Variants in SMAP1 observed in about 807,000 individuals in gnomAD.
The protein encoded by SMAP1 is small ArfGAP 1, also known as stromal membrane-associated protein 1.
A neutral mutation model predicts 58.5 loss-of-function variants in SMAP1; 24 were observed. That is an observed-to-expected ratio of 0.41 (90% CI 0.30 to 0.58). The LOEUF is 0.58. Ranked by LOEUF, SMAP1 falls within the 20% of genes least tolerant of loss-of-function variation. The pLI is 0.29. For missense variants in SMAP1, 563 were observed against 566.3 expected, an observed-to-expected ratio of 0.99 and a Z score of 0.06; for synonymous variants, 216 against 196.6, an observed-to-expected ratio of 1.10 and a Z score of -0.82.
rs769236284 is a variant in SMAP1, at chr6:70,858,066, GCATGCC to G, written c.1115_1120del (p.Met372_Pro373del). On this transcript the variant is annotated inframe_deletion, in exon 10 of 11. Transcript: ENST00000370455. ...GGACAGAGTCCAAGCATGATGGTGGGCATGCCCATGCCCAATGGGTTTATGGGAAAT... is the reference window on the plus strand; with the variant it reads ...GGACAGAGTCCAAGCATGATGGTGGGCATGCCCAATGGGTTTATGGGAAAT... 1.8e-5 allele frequency: 29 copies of G among 1,613,934 alleles called. No individual in the cohort carries two copies. The highest frequency in any genetic ancestry group is 1.1e-5 in the South Asian group (1 of 91,092).
chr6:70,761,512 G>A (rs960995697), intron 3 of SMAP1, among the ~76,000 whole-genome samples: 12 of 152,044 alleles, frequency 7.9e-5, no homozygotes, highest in African/African-American at 2.9e-4. Flanking sequence ...AATAGTTCCT[G>A]ATCTCCAGAT....
chr6:70,799,407 T>C (rs989026200), intron 6 of SMAP1, among the ~76,000 whole-genome samples: 5 of 152,134 alleles, frequency 3.3e-5, no homozygotes, highest in Admixed American at 6.6e-5. Context: ...AGCAGTGATA[T>C]GCAGGATAGA....
intron 3 of SMAP1, among the ~76,000 whole-genome samples, chr6:70,757,498 C>G (rs2149892438): frequency 6.6e-6 from 1 of 152,142 alleles, no homozygotes; most frequent in Admixed American, 6.5e-5. Context: ...GCAATGGCAA[C>G]AAAAGCCAAA....
chr6:70,704,332 A>G (rs1338024753), intron 1 of SMAP1, among the ~76,000 whole-genome samples: 1 of 152,168 alleles, frequency 6.6e-6, no homozygotes, highest in Non-Finnish European at 1.5e-5. Flanking sequence ...AAGTTAATCC[A>G]TTACTCCTCC....
rs1279855811 is a variant in SMAP1 at position 70,860,466 on chromosome 6, T to C, written c.*132T>C. On this transcript the variant is annotated 3_prime_UTR_variant, in exon 11 of 11. Coordinates refer to ENST00000370455, the MANE Select transcript of SMAP1 (RefSeq NM_001044305.3). ...TTGTTCATATTAAGAATGATCTGAT[T>C]GACCGTGTTGGTCTGTACTGATTCA... is the stretch of plus-strand genomic sequence containing the variant. The C allele has an allele frequency of 2.3e-5, 25 of 1,107,552 alleles. No homozygotes were observed. Among genetic ancestry groups the C allele is most frequent in the Non-Finnish European group, 2.9e-5 (23 of 795,646 alleles). 68.6% of individuals were successfully genotyped at this position (1,107,552 alleles called of 1,614,324 possible).
intron 4 of SMAP1, among the ~76,000 whole-genome samples, chr6:70,776,307 C>T (rs1021707365): frequency 3.3e-5 from 5 of 152,078 alleles, no homozygotes; most frequent in Admixed American, 6.5e-5. Context: ...CTCAGCCTCC[C>T]GAGTAGCTGG....
chr6:70,821,297 A>G (rs1471895247), intron 6 of SMAP1, among the ~76,000 whole-genome samples: 2 of 151,512 alleles, frequency 1.3e-5, no homozygotes, highest in Non-Finnish European at 2.9e-5. Flanking sequence ...CTCATTTCTT[A>G]TTGCTGAACA....
chr6:70,841,736 C>T (rs1364487149), intron 7 of SMAP1, among the ~76,000 whole-genome samples: 1 of 152,136 alleles, frequency 6.6e-6, no homozygotes. Context: ...TTAGTTCCCC[C>T]ATTCATGTTT....
At chr6:70,749,830 A>G (rs1766202897) in intron 2 of SMAP1, among the ~76,000 whole-genome samples, 1 of 152,232 alleles carries the variant, frequency 6.6e-6, no homozygotes, top group Non-Finnish European at 1.5e-5. Flanking sequence ...AAGAAGCCAC[A>G]TTTATGAGGC....
chr6:70,768,416 C>T (rs1767103033), intron 3 of SMAP1, among the ~76,000 whole-genome samples: 1 of 152,112 alleles, frequency 6.6e-6, no homozygotes. Flanking sequence ...TGATTATTGC[C>T]ACAATTTCAG....
chr6:70,729,671 A>G (rs1050892803), intron 1 of SMAP1, among the ~76,000 whole-genome samples: 1 of 152,010 alleles, frequency 6.6e-6, no homozygotes. Context: ...TTTGGCCTCT[A>G]CCTTCTCCTT....
At position 70,785,778 on chromosome 6, in the gene SMAP1, A is replaced by G. The variant is rs181221116; in HGVS notation, c.415-5911A>G. Among the ~76,000 whole-genome samples the G allele has an allele frequency of 8.7e-3, 1,327 of 152,372 alleles. 23 individuals carry two copies. Among genetic ancestry groups the G allele is most frequent in the African/African-American group, 0.03 (1,263 of 41,584 alleles). ...AAGAAGTTGACTCTCTGAATAGACC[A>G]ATAACAGGCTCTGAAATTGTGGCAA... On this transcript the variant is annotated intron_variant, in intron 4 of 10. Coordinates refer to ENST00000370455, the MANE Select transcript of SMAP1 (RefSeq NM_001044305.3).
intron 1 of SMAP1, among the ~76,000 whole-genome samples, chr6:70,692,337 T>C (rs992510997): frequency 1.3e-5 from 2 of 152,258 alleles, no homozygotes; most frequent in Admixed American, 1.3e-4. Flanking sequence ...TGGTTATTAA[T>C]CCCTTGTCAG....
intron 4 of SMAP1, among the ~76,000 whole-genome samples, chr6:70,777,926 A>G (rs1044590602): frequency 6.6e-6 from 1 of 151,566 alleles, no homozygotes; most frequent in African/African-American, 2.4e-5. Flanking sequence ...CTAACTTTGT[A>G]TTTTTGTTAG....
intron 1 of SMAP1, among the ~76,000 whole-genome samples, chr6:70,723,930 T>C (rs1768643758): frequency 1.3e-5 from 2 of 150,816 alleles, no homozygotes. Context: ...TTTTCTATTA[T>C]GTTATTGGTT....
intron 4 of SMAP1, among the ~76,000 whole-genome samples, chr6:70,787,512 A>C (rs1768107540): frequency 2.0e-5 from 3 of 151,456 alleles, no homozygotes; most frequent in African/African-American, 7.3e-5. Flanking sequence ...GTGAACAGGC[A>C]ACCTACAAAA....
At chr6:70,728,608 A>G (rs1765285458) in intron 1 of SMAP1, among the ~76,000 whole-genome samples, 2 of 152,200 alleles carry the variant, frequency 1.3e-5, no homozygotes, top group Non-Finnish European at 1.5e-5. Flanking sequence ...GAACTTTACC[A>G]TCTACTTTAG....
chr6:70,826,403 T>G (rs1216803082), intron 6 of SMAP1, among the ~76,000 whole-genome samples: 1 of 152,130 alleles, frequency 6.6e-6, no homozygotes, highest in Non-Finnish European at 1.5e-5. Context: ...ATTTTTTTTT[T>G]TTTTAACAAC....
At chr6:70,684,830 C>G (rs150581878) in intron 1 of SMAP1, among the ~76,000 whole-genome samples, 1 of 152,106 alleles carries the variant, frequency 6.6e-6, no homozygotes, top group Non-Finnish European at 1.5e-5. Context: ...CTGCTCTTCT[C>G]TTCTCTTTTA....
Sources: gnomAD v4.1 joint callset for allele counts (sites outside exome capture counted in the v4.1 genomes callset) on GRCh38, gnomAD v4.1.1 for gene constraint, MANE v1.5 for transcripts, NCBI Gene and HGNC (gene_info 2026-07-23, HGNC 2026-07-21) for gene names.